The following OR10A6 variants were observed in gnomAD, a reference collection of about 807,000 sequenced individuals.
OR10A6 encodes the protein olfactory receptor 10A6.
Under a neutral mutation model 1.5 loss-of-function variants are expected in OR10A6, and 2 were observed. The observed-to-expected ratio is 1.31, with a 90% confidence interval of 0.54 to 4.13. The LOEUF (loss-of-function observed/expected upper bound fraction) is 4.13, where lower values mean the gene tolerates loss of function less well. Among genes scored for constraint, OR10A6 ranks in the 30% most tolerant of loss-of-function variants. The pLI is 0.07. For synonymous variants in OR10A6, 169 were observed against 137.3 expected (o/e 1.23, Z -1.61); for missense variants, 492 against 368.6 (o/e 1.33, Z -2.74).
intron 3 of OR10A6, 130 bp from the exon 4 acceptor site, chr11:7,930,645 C>A (rs1859517540): frequency 6.6e-6 from 1 of 151,946 alleles, no homozygotes; most frequent in Non-Finnish European, 1.5e-5. Context: ...CAAAAAACCT[C>A]CTACAATTAT....
Position 7,928,721 on chromosome 11 carries a change from C to T in OR10A6, c.-59G>A. ...ACATAGTATATACAGAATAAAGCCA[C>T]AGTCCATTAGCTAAGAGTTCCAGTC... On this transcript the variant is annotated 5_prime_UTR_variant, in exon 4 of 4. In the 5' UTR this introduces an upstream ATG that the reference lacks. Transcript: ENST00000641238. 2 of 1,271,246 alleles carry T rather than the reference C, an allele frequency of 1.6e-6. No homozygotes were observed. The highest frequency in any genetic ancestry group is 2.2e-6 in the Non-Finnish European group (2 of 930,214). 78.7% of individuals were successfully genotyped at this position (1,271,246 alleles called of 1,614,324 possible).
Position 7,930,031 on chromosome 11 carries a change from G to T in OR10A6, c.-1369C>A, listed in dbSNP as rs1358015098. 4 of 80,130 alleles carry T rather than the reference G, an allele frequency of 5.0e-5. No individual in the cohort carries two copies. In the South Asian group the frequency reaches 2.1e-3, roughly 42 times the overall value. 5.0% of individuals were successfully genotyped at this position (80,130 alleles called of 1,614,324 possible). On this transcript the variant is annotated 5_prime_UTR_variant, in exon 4 of 4. Coordinates refer to ENST00000641238, the MANE Select transcript of OR10A6 (RefSeq NM_001004461.2). ...TAGAGCTTAGCTCCCAGAGGGCAAA[G>T]ATTTTGTTTGCTTCTTTGCTCTACA...
chr11:7,926,465 C>T lies in OR10A6; in HGVS notation c.*1253G>A, dbSNP rs1251911410. Reference sequence around the variant, plus strand: ...GCATCATTACCCACAAGGTTCCAGCCTTCTTCTCATGAAATTTCTCTCTTT... The same window carrying T: ...GCATCATTACCCACAAGGTTCCAGCTTTCTTCTCATGAAATTTCTCTCTTT... On this transcript the variant is annotated 3_prime_UTR_variant, in exon 4 of 4. Transcript: ENST00000641238. 6.6e-6 allele frequency: 1 copy of T among 152,212 alleles called. No individual in the cohort carries two copies. Among genetic ancestry groups the T allele is most frequent in the Non-Finnish European group, 1.5e-5 (1 of 68,038 alleles). 9.4% of individuals were successfully genotyped at this position (152,212 alleles called of 1,614,324 possible). A position where few individuals can be genotyped will look rare whatever the true frequency, so the allele number is the denominator to read the frequency against.
chr11:7,927,715 C>A lies in OR10A6; in HGVS notation c.*3G>T, dbSNP rs555548253. 6.3e-7 allele frequency: 1 copy of A among 1,591,306 alleles called. No homozygotes were observed. Among genetic ancestry groups the A allele is most frequent in the Non-Finnish European group, 8.6e-7 (1 of 1,160,228 alleles). ...CTAAATCTTACATGGCTTCTCAACA[C>A]AGTCAGATTGTGTGTAAAACCACTC... On this transcript the variant is annotated 3_prime_UTR_variant, in exon 4 of 4. Transcript: ENST00000641238.
Position 7,928,063 on chromosome 11 carries a change from G to A in OR10A6, c.600C>T (p.Phe200=), listed in dbSNP as rs780319596. The change falls in exon 4 of 4, where the codon TTC becomes TTT. Residue 200 remains phenylalanine (F), a synonymous_variant. Coordinates refer to ENST00000641238, the MANE Select transcript of OR10A6 (RefSeq NM_001004461.2). ...CCAAAATAATCAAAAAGGTGCCTGT[G>A]AATGCATAGATTTCAAACAAAAACG... ...ADTFLFEIYA[F]TGTFLIILVP... is the part of the protein sequence containing the mutation. 6 of 1,613,886 alleles carry A rather than the reference G, an allele frequency of 3.7e-6. No individual in the cohort carries two copies. The South Asian group carries it at 5.5e-5, about 15-fold the overall frequency.
rs534945175 is a variant in OR10A6, at chr11:7,925,007, G to A, written c.*2711C>T. 4 of 151,946 alleles carry A rather than the reference G, an allele frequency of 2.6e-5. No homozygotes were observed. Among genetic ancestry groups the A allele is most frequent in the African/African-American group, 7.2e-5 (3 of 41,424 alleles). The allele number at this position is 151,946 out of a possible 1,614,324, so 9.4% of individuals were successfully genotyped here. ...GTTCAAAAGAGAAACTGGGAAATTG[G>A]TTATTAACTGGATACATTACTGCCC... On this transcript the variant is annotated 3_prime_UTR_variant, in exon 4 of 4. Transcript: ENST00000641238.
In OR10A6 at chr11:7,927,576, C is replaced by A; in HGVS notation, c.*142G>T. The A allele has an allele frequency of 1.7e-6, 1 of 579,734 alleles. No individual in the cohort carries two copies. Among genetic ancestry groups the A allele is most frequent in the Non-Finnish European group, 3.0e-6 (1 of 328,726 alleles). The allele number at this position is 579,734 out of a possible 1,614,324, so 35.9% of individuals were successfully genotyped here. ...AAAACATTAACATATAAAGATGCTCCTGATATACAATCAAACTTGGAGAAC... is the reference window on the plus strand; with the variant it reads ...AAAACATTAACATATAAAGATGCTCATGATATACAATCAAACTTGGAGAAC... On this transcript the variant is annotated 3_prime_UTR_variant, in exon 4 of 4. Transcript: ENST00000641238.
rs771205201 is a variant in OR10A6, at chr11:7,928,088, G to A, written c.575C>T (p.Thr192Met). Residue 192 changes from threonine to methionine, a missense_variant, in exon 4 of 4, where the codon ACG (threonine) becomes ATG (methionine). Physicochemically the swap from Thr to Met is moderately conservative, Grantham distance 81. Transcript: ENST00000641238. ...PAVLELACAD[T>M]FLFEIYAFTG... ...GAATGCATAGATTTCAAACAAAAAC[G>A]TGTCTGCACATGCAAGTTCTAACAC... 106 of 1,613,810 alleles carry A rather than the reference G, an allele frequency of 6.6e-5. No individual in the cohort carries two copies. The highest frequency in any genetic ancestry group is 8.2e-5 in the Non-Finnish European group (97 of 1,179,964).
At position 7,928,162 on chromosome 11, in the gene OR10A6, G is replaced by C; in HGVS notation, c.501C>G (p.Pro167=). 1 of 1,613,790 alleles carries C rather than the reference G, an allele frequency of 6.2e-7. No individual in the cohort carries two copies. The highest frequency in any genetic ancestry group is 8.5e-7 in the Non-Finnish European group (1 of 1,179,862). Residue 167 remains proline, a synonymous_variant, in exon 4 of 4, where the codon CCC becomes CCG. Transcript: ENST00000641238. ...TVQTSWVSSF[P]FCGLNEINHI... is the part of the protein sequence containing the mutation. ...GGTTAATTTCATTAAGGCCACAAAAGGGAAAACTAGATACCCATGATGTTT... is the reference window on the plus strand; with the variant it reads ...GGTTAATTTCATTAAGGCCACAAAACGGAAAACTAGATACCCATGATGTTT...
At position 7,929,997 on chromosome 11, in the gene OR10A6, A is replaced by T. The variant is rs1174662721; in HGVS notation, c.-1335T>A. 3.6e-5 allele frequency: 1 copy of T among 27,622 alleles called. No homozygotes were observed. The highest frequency in any genetic ancestry group is 2.9e-3 in the East Asian group (1 of 342). 1.7% of individuals were successfully genotyped at this position (27,622 alleles called of 1,614,324 possible). ...ATATATATATATATATATATATAAA[A>T]TCCCTCACTAGAGCTTAGCTCCCAG... On this transcript the variant is annotated 5_prime_UTR_variant, in exon 4 of 4. Coordinates refer to ENST00000641238, the MANE Select transcript of OR10A6 (RefSeq NM_001004461.2).
Position 7,927,765 on chromosome 11 carries a change from C to T in OR10A6, c.898G>A (p.Ala300Thr), listed in dbSNP as rs554206008. 2 of 1,613,828 alleles carry T rather than the reference C, an allele frequency of 1.2e-6. No homozygotes were observed. The highest frequency in any genetic ancestry group is 3.3e-5 in the Admixed American group (2 of 59,952). The change falls in exon 4 of 4, where the codon GCT (alanine) becomes ACT (threonine). Residue 300 changes from alanine to threonine, a missense_variant. Transcript: ENST00000641238. ...CGCCTTCGCCATAATTTCATCAAAG[C>T]CCTCTTCATCTCACTATTTCGCAAA... is the stretch of plus-strand genomic sequence containing the variant. ...YSLRNSEMKR[A>T]LMKLWRRRVV...
In OR10A6 at chr11:7,925,357, C is replaced by G. The variant is rs953278599; in HGVS notation, c.*2361G>C. 1.3e-5 allele frequency: 2 copies of G among 152,158 alleles called. No individual in the cohort carries two copies. Among genetic ancestry groups the G allele is most frequent in the African/African-American group, 4.8e-5 (2 of 41,452 alleles). 9.4% of individuals were successfully genotyped at this position (152,158 alleles called of 1,614,324 possible). The stretch of plus-strand genomic sequence containing the variant: ...ACTTGGATTCACACACGCATATACA[C>G]ACACACATACAAATTTAGAATTAGA... On this transcript the variant is annotated 3_prime_UTR_variant, in exon 4 of 4. Transcript: ENST00000641238.
chr11:7,930,925 AC>A (rs1378613864), intron 2 of OR10A6, 36 bp from the exon 3 acceptor site: 4 of 152,206 alleles, frequency 2.6e-5, no homozygotes, highest in African/African-American at 9.6e-5. Context: ...GAACTTACTA[AC>A]CAAGTTCTCT....
At position 7,926,050 on chromosome 11, in the gene OR10A6, G is replaced by T. The variant is rs1386064957; in HGVS notation, c.*1668C>A. The stretch of plus-strand genomic sequence containing the variant: ...TACATATACCTACCCTTTCCTAATT[G>T]GTTTTTCTACACTGTCATGCCCACC... On this transcript the variant is annotated 3_prime_UTR_variant, in exon 4 of 4. Transcript: ENST00000641238. 6.6e-6 allele frequency: 1 copy of T among 152,098 alleles called. No individual in the cohort carries two copies. The highest frequency in any genetic ancestry group is 1.5e-5 in the Non-Finnish European group (1 of 68,026). 9.4% of individuals were successfully genotyped at this position (152,098 alleles called of 1,614,324 possible).
chr11:7,926,006 C>A lies in OR10A6; in HGVS notation c.*1712G>T, dbSNP rs532139903. 1.9e-4 allele frequency: 29 copies of A among 152,312 alleles called. No homozygotes were observed. The highest frequency in any genetic ancestry group is 6.3e-4 in the African/African-American group (26 of 41,566). The allele number at this position is 152,312 out of a possible 1,614,324, so 9.4% of individuals were successfully genotyped here. A position where few individuals can be genotyped will look rare whatever the true frequency, so the allele number is the denominator to read the frequency against. On this transcript the variant is annotated 3_prime_UTR_variant, in exon 4 of 4. Coordinates refer to ENST00000641238, the MANE Select transcript of OR10A6 (RefSeq NM_001004461.2). ...TTTCACATACTTTCCTCTGATTGTTCCCCGCTCTTCACCTATTTTACATAT... is the reference window on the plus strand; with the variant it reads ...TTTCACATACTTTCCTCTGATTGTTACCCGCTCTTCACCTATTTTACATAT...
rs576074944 is a variant in OR10A6 at position 7,929,292 on chromosome 11, G to T, written c.-630C>A. 2.3e-4 allele frequency: 35 copies of T among 152,256 alleles called. No homozygotes were observed. The highest frequency in any genetic ancestry group is 7.7e-4 in the African/African-American group (32 of 41,560). 9.4% of individuals were successfully genotyped at this position (152,256 alleles called of 1,614,324 possible). ...GACTATGTGAATTGGCTTCAAGCTT[G>T]CAGATTTCTGCCCATCCTGGATCTG... On this transcript the variant is annotated 5_prime_UTR_variant, in exon 4 of 4. The change creates a premature stop within an existing upstream ORF in the 5' untranslated region. Coordinates refer to ENST00000641238, the MANE Select transcript of OR10A6 (RefSeq NM_001004461.2).
chr11:7,929,146 CTT>C lies in OR10A6; in HGVS notation c.-486_-485del, dbSNP rs1465812274. Reference sequence around the variant, plus strand: ...AATGTTACAGCATATTTGATATAAACTTATTTAAAATATTAATTAGATTCAAA... The same window carrying C: ...AATGTTACAGCATATTTGATATAAACATTTAAAATATTAATTAGATTCAAA... On this transcript the variant is annotated 5_prime_UTR_variant, in exon 4 of 4. The change creates a new upstream start codon in the 5' untranslated region. Transcript: ENST00000641238. The C allele has an allele frequency of 2.0e-5, 3 of 152,470 alleles. No individual in the cohort carries two copies. Among genetic ancestry groups the C allele is most frequent in the Non-Finnish European group, 2.9e-5 (2 of 68,272 alleles). The allele number at this position is 152,470 out of a possible 1,614,324, so 9.4% of individuals were successfully genotyped here.
rs184811335 is a variant in OR10A6, at chr11:7,925,166, T to A, written c.*2552A>T. 1.9e-4 allele frequency: 29 copies of A among 152,266 alleles called. No individual in the cohort carries two copies. The highest frequency in any genetic ancestry group is 7.0e-4 in the African/African-American group (29 of 41,566). 9.4% of individuals were successfully genotyped at this position (152,266 alleles called of 1,614,324 possible). ...CGGTGACTATAACTAAAAATCACCA[T>A]GAAGAATAGTATGCAGAAATGATAT... On this transcript the variant is annotated 3_prime_UTR_variant, in exon 4 of 4. Coordinates refer to ENST00000641238, the MANE Select transcript of OR10A6 (RefSeq NM_001004461.2).
chr11:7,925,628 A>C lies in OR10A6; in HGVS notation c.*2090T>G, dbSNP rs879366404. The C allele has an allele frequency of 6.6e-6, 1 of 152,190 alleles. No individual in the cohort carries two copies. Among genetic ancestry groups the C allele is most frequent in the Admixed American group, 6.5e-5 (1 of 15,280 alleles). 9.4% of individuals were successfully genotyped at this position (152,190 alleles called of 1,614,324 possible). A position where few individuals can be genotyped will look rare whatever the true frequency, so the allele number is the denominator to read the frequency against. ...AATCAATGAACAAAATGAACTAAAG[A>C]ATGGCTAAAAAGACTTTCTGTATTT... On this transcript the variant is annotated 3_prime_UTR_variant, in exon 4 of 4. Coordinates refer to ENST00000641238, the MANE Select transcript of OR10A6 (RefSeq NM_001004461.2).
Sources: allele counts gnomAD v4.1 joint callset, GRCh38; gene constraint gnomAD v4.1.1; transcripts MANE v1.5; gene names NCBI Gene and HGNC (gene_info 2026-07-23, HGNC 2026-07-21).